Variants in DDX10 observed in about 807,000 individuals in gnomAD.
DDX10 encodes DEAD-box helicase 10.
DDX10 carries 74 observed loss-of-function variants against 104.3 expected under a neutral mutation model. That is an observed-to-expected ratio of 0.71 (90% CI 0.59 to 0.86). DDX10 has a LOEUF of 0.86. Among genes scored for constraint, DDX10 ranks in the 40% least tolerant of loss-of-function variants. The pLI is 0.00. For missense variants in DDX10, 952 were observed against 1,040.0 expected, an observed-to-expected ratio of 0.92 and a Z score of 1.16; for synonymous variants, 351 against 353.4, an observed-to-expected ratio of 0.99 and a Z score of 0.08.
chr11:108,871,580 C>T (rs1487214295), intron 16 of DDX10, among the ~76,000 whole-genome samples: 2 of 152,182 alleles, frequency 1.3e-5, no homozygotes, highest in African/African-American at 4.8e-5. Context: ...TGTACCCATC[C>T]ATTTGCCCAC....
chr11:108,940,267 G>C lies in DDX10; in HGVS notation c.2472G>C (p.Gly824=), dbSNP rs1454488886. 6.2e-7 allele frequency: 1 copy of C among 1,613,930 alleles called. No homozygotes were observed. Among genetic ancestry groups the C allele is most frequent in the East Asian group, 2.2e-5 (1 of 44,820 alleles). Residue 824 remains glycine (G), a synonymous_variant, in exon 18 of 18, where the codon GGG becomes GGC. Transcript: ENST00000322536. ...NKISDTKKKQ[G]MKKRSNSEVE... is the part of the protein sequence containing the mutation. ...CCAGTGATACCAAGAAGAAGCAGGG[G>C]ATGAAGAAGAGGAGCAACAGTGAAG...
intron 16 of DDX10, among the ~76,000 whole-genome samples, chr11:108,869,623 C>A (rs572112914): frequency 6.6e-6 from 1 of 152,206 alleles, no homozygotes; most frequent in South Asian, 2.1e-4. Context: ...GTGGATTATT[C>A]ATGTTTACAA....
intron 13 of DDX10, chr11:108,822,706 T>C (rs2134578950): frequency 6.5e-6 from 1 of 153,102 alleles, no homozygotes. Context: ...AAGCTGGATG[T>C]CCCGCTCTTT....
At chr11:108,762,639 T>C (rs1280933160) in intron 13 of DDX10, among the ~76,000 whole-genome samples, 1 of 152,200 alleles carries the variant, frequency 6.6e-6, no homozygotes, top group Non-Finnish European at 1.5e-5. Context: ...CTTAATTGTG[T>C]AGGCAAGGTG....
chr11:108,750,926 C>CTTTTTTTTTTTTTTTTTTTTTTT (rs10582729), intron 13 of DDX10, among the ~76,000 whole-genome samples: 2 of 24,250 alleles, frequency 8.2e-5, no homozygotes, highest in African/African-American at 1.9e-4. Context: ...CACCTGGTTA[C>CTTTTTTTTTTTTTTTTTTTTTTT]TTTTTTTTTT....
In DDX10 at chr11:108,720,856, G is replaced by A. The variant is rs2094297454; in HGVS notation, c.1499+971G>A. Reference sequence around the variant, plus strand: ...GATCCCCCCACCTCAGCCTTCCAAAGTGCTGGCATTACAGGTGTGAGCCAC... The same window carrying A: ...GATCCCCCCACCTCAGCCTTCCAAAATGCTGGCATTACAGGTGTGAGCCAC... On this transcript the variant is annotated intron_variant, in intron 12 of 17. Coordinates refer to ENST00000322536, the MANE Select transcript of DDX10 (RefSeq NM_004398.4). Among the ~76,000 whole-genome samples the A allele has an allele frequency of 2.0e-5, 3 of 150,496 alleles. No individual in the cohort carries two copies. The South Asian group carries it at 6.3e-4, about 32-fold the overall frequency.
At chr11:108,728,705 G>C (rs554610097) in intron 13 of DDX10, among the ~76,000 whole-genome samples, 1 of 151,832 alleles carries the variant, frequency 6.6e-6, no homozygotes, top group African/African-American at 2.4e-5. Context: ...TTTTGTAGAG[G>C]TGGGTTCTTT....
At chr11:108,748,782 G>C (rs967350228) in intron 13 of DDX10, among the ~76,000 whole-genome samples, 1 of 152,108 alleles carries the variant, frequency 6.6e-6, no homozygotes, top group Non-Finnish European at 1.5e-5. Flanking sequence ...CTGAGCTCAA[G>C]TGATCCTCCT....
intron 13 of DDX10, among the ~76,000 whole-genome samples, chr11:108,788,520 G>A (rs575755873): frequency 2.0e-5 from 3 of 152,120 alleles, no homozygotes; most frequent in African/African-American, 7.2e-5. Context: ...GCGCCACCAC[G>A]CCTGGCTAAT....
At chr11:108,689,556 A>G (rs1591792418) in intron 7 of DDX10, among the ~76,000 whole-genome samples, 1 of 152,218 alleles carries the variant, frequency 6.6e-6, no homozygotes, top group African/African-American at 2.4e-5. Flanking sequence ...TTAAAGAATC[A>G]GTTGTTCCCT....
At chr11:108,787,417 G>A (rs552139394) in intron 13 of DDX10, among the ~76,000 whole-genome samples, 41 of 152,082 alleles carry the variant, frequency 2.7e-4, no homozygotes, top group Admixed American at 1.2e-3. Context: ...TTTTCGTAGA[G>A]TATATTCTCA....
chr11:108,797,106 T>C (rs1861953184), intron 13 of DDX10, among the ~76,000 whole-genome samples: 1 of 152,138 alleles, frequency 6.6e-6, no homozygotes, highest in Non-Finnish European at 1.5e-5. Flanking sequence ...CGATCTTGGC[T>C]CACTGCAGCC....
In DDX10 at chr11:108,749,557, A is replaced by C. The variant is rs577068052; in HGVS notation, c.1965+26095A>C. On this transcript the variant is annotated intron_variant, in intron 13 of 17. Transcript: ENST00000322536. ...TTCCCTTAATTGCTTGGCTTTCTCT[A>C]CTGACGCTTCTTAGAGGTGTCATTG... Among the ~76,000 whole-genome samples, 12 of 152,264 alleles carry C rather than the reference A, an allele frequency of 7.9e-5. No homozygotes were observed. The South Asian group carries it at 2.5e-3, about 32-fold the overall frequency.
chr11:108,735,526 G>A (rs191528875), intron 13 of DDX10, among the ~76,000 whole-genome samples: 32 of 152,228 alleles, frequency 2.1e-4, no homozygotes, highest in East Asian at 3.9e-4. Flanking sequence ...GCACTCTTCT[G>A]TTGTTGCTGG....
At chr11:108,797,247 T>G (rs1049524075) in intron 13 of DDX10, among the ~76,000 whole-genome samples, 2 of 152,190 alleles carry the variant, frequency 1.3e-5, no homozygotes, top group African/African-American at 2.4e-5. Context: ...TTGGCCAGGA[T>G]GGTCTTCATC....
chr11:108,791,051 C>T (rs1861864303), intron 13 of DDX10, among the ~76,000 whole-genome samples: 1 of 152,182 alleles, frequency 6.6e-6, no homozygotes. Flanking sequence ...AGTCTGTGTC[C>T]CTCTACTAGA....
chr11:108,906,133 T>G (rs1348276492), intron 16 of DDX10, among the ~76,000 whole-genome samples: 3 of 152,212 alleles, frequency 2.0e-5, no homozygotes, highest in Admixed American at 1.3e-4. Flanking sequence ...TCAAACTATT[T>G]ACTATTAATA....
chr11:108,922,971 G>A (rs979786299), intron 17 of DDX10, among the ~76,000 whole-genome samples: 1 of 152,240 alleles, frequency 6.6e-6, no homozygotes, highest in Non-Finnish European at 1.5e-5. Flanking sequence ...TATTTTTGAT[G>A]ACAGGTGTAG....
chr11:108,800,017 A>G (rs1861997143), intron 13 of DDX10, among the ~76,000 whole-genome samples: 1 of 152,046 alleles, frequency 6.6e-6, no homozygotes, highest in South Asian at 2.1e-4. Context: ...AGCTCACTAT[A>G]GCCTCCAATT....
Sources: gnomAD v4.1 joint callset for allele counts (sites outside exome capture counted in the v4.1 genomes callset) on GRCh38, gnomAD v4.1.1 for gene constraint, MANE v1.5 for transcripts, NCBI Gene and HGNC (gene_info 2026-07-23, HGNC 2026-07-21) for gene names.